Variants in KCNE5 observed in about 807,000 individuals in gnomAD.
The protein encoded by KCNE5 is potassium voltage-gated channel subfamily E regulatory subunit 5.
For missense variants in KCNE5, 131 were observed against 132.9 expected (o/e 0.99, Z 0.07); for synonymous variants, 65 against 62.3 (o/e 1.04, Z -0.20).
rs756398184 is a variant in KCNE5 at position 109,624,577 on chromosome X, T to A, written c.*15A>T. Reference sequence around the variant, plus strand: ...AGATGAGGAGGGCGCGAACCAGCAATCTGGGGCTGTGGTTTTAGACCCGCT... The same window carrying A: ...AGATGAGGAGGGCGCGAACCAGCAAACTGGGGCTGTGGTTTTAGACCCGCT... On this transcript the variant is annotated 3_prime_UTR_variant, in exon 1 of 1. Coordinates refer to ENST00000372101, the MANE Select transcript of KCNE5 (RefSeq NM_012282.4). The A allele has an allele frequency of 9.1e-7, 1 of 1,094,354 alleles. No individual in the cohort carries two copies. The highest frequency in any genetic ancestry group is 2.3e-5 in the South Asian group (1 of 42,813). 90.2% of individuals were successfully genotyped at this position (1,094,354 alleles called of 1,213,427 possible). A position where few individuals can be genotyped will look rare whatever the true frequency, so the allele number is the denominator to read the frequency against.
Position 109,624,616 on chromosome X carries a change from G to T in KCNE5, c.405C>A (p.Leu135=), listed in dbSNP as rs1226299360. The T allele has an allele frequency of 1.2e-5, 14 of 1,128,984 alleles. No homozygotes were observed. The highest frequency in any genetic ancestry group is 3.3e-5 in the East Asian group (1 of 30,072). The allele number at this position is 1,128,984 out of a possible 1,213,427, so 93.0% of individuals were successfully genotyped here. ...RQLASEGLPA[L]AQGAERV is the part of the protein sequence containing the mutation. ...TTTAGACCCGCTCAGCGCCCTGGGCGAGGGCAGGCAGCCCCTCGGAGGCAA... is the reference window on the plus strand; with the variant it reads ...TTTAGACCCGCTCAGCGCCCTGGGCTAGGGCAGGCAGCCCCTCGGAGGCAA... Residue 135 remains leucine, a synonymous_variant, in exon 1 of 1, where the codon CTC becomes CTA. Transcript: ENST00000372101.
At position 109,625,104 on chromosome X, in the gene KCNE5, G is replaced by T; in HGVS notation, c.-84C>A. The T allele has an allele frequency of 9.5e-7, 1 of 1,052,992 alleles. No homozygotes were observed. Among genetic ancestry groups the T allele is most frequent in the Non-Finnish European group, 1.3e-6 (1 of 773,597 alleles). 86.8% of individuals were successfully genotyped at this position (1,052,992 alleles called of 1,213,427 possible). On this transcript the variant is annotated 5_prime_UTR_variant, in exon 1 of 1. Coordinates refer to ENST00000372101, the MANE Select transcript of KCNE5 (RefSeq NM_012282.4). ...GGGGAAGCGAGCTAGCGAGCGGGCC[G>T]GCCGGCGGGCAGGGCTCAGCAGCGG...
rs1381116336 is a variant in KCNE5 at position 109,625,147 on chromosome X, AGCTCTCCGGCGAGC to A, written c.-141_-128del. ...AGCAGCGGAAACAGCGGTAGCACCC[AGCTCTCCGGCGAGC>A]GCGCAGTGGCTGGGGGCGCCGACGG... On this transcript the variant is annotated 5_prime_UTR_variant, in exon 1 of 1. Transcript: ENST00000372101. The A allele has an allele frequency of 6.3e-5, 50 of 789,756 alleles. No individual in the cohort carries two copies. The highest frequency in any genetic ancestry group is 8.7e-5 in the Non-Finnish European group (47 of 543,103). The allele number at this position is 789,756 out of a possible 1,213,427, so 65.1% of individuals were successfully genotyped here.
rs1934250677 is a variant in KCNE5 at position 109,623,980 on chromosome X, G to A, written c.*612C>T. 8.9e-6 allele frequency: 1 copy of A among 111,850 alleles called. No individual in the cohort carries two copies. The highest frequency in any genetic ancestry group is 1.9e-5 in the Non-Finnish European group (1 of 53,114). 9.2% of individuals were successfully genotyped at this position (111,850 alleles called of 1,213,427 possible). ...GTCATAGATCATTTCCCTCCCCGTT[G>A]AGCACTCCTCCCCCTTCCGTCCCCC... On this transcript the variant is annotated 3_prime_UTR_variant, in exon 1 of 1. Transcript: ENST00000372101.
rs1455260841 is a variant in KCNE5, at chrX:109,624,647, C to T, written c.374G>A (p.Arg125His). The T allele has an allele frequency of 1.7e-6, 2 of 1,150,593 alleles. No homozygotes were observed. Among genetic ancestry groups the T allele is most frequent in the Admixed American group, 2.8e-5 (1 of 35,774 alleles). 94.8% of individuals were successfully genotyped at this position (1,150,593 alleles called of 1,213,427 possible). A position where few individuals can be genotyped will look rare whatever the true frequency, so the allele number is the denominator to read the frequency against. The stretch of plus-strand genomic sequence containing the variant: ...AGGCAGCCCCTCGGAGGCAAGCTGG[C>T]GGCGGCCCTCGGCCTGGGAGCCCGC... Reference protein sequence around the residue: ...AAAGSQAEGRRQLASEGLPAL... With the variant: ...AAAGSQAEGRHQLASEGLPAL... The change falls in exon 1 of 1, where the codon CGC (arginine) becomes CAC (histidine). Residue 125 changes from arginine to histidine, a missense_variant. Arg to His is a conservative substitution (Grantham distance 29). Coordinates refer to ENST00000372101, the MANE Select transcript of KCNE5 (RefSeq NM_012282.4).
At position 109,624,721 on chromosome X, in the gene KCNE5, C is replaced by T. The variant is rs770947110; in HGVS notation, c.300G>A (p.Glu100=). The part of the protein sequence containing the change: ...AKDEPSQACA[E]HEWAPGGALT... ...GGGCGCCTCCCGGGGCCCATTCGTGCTCGGCGCAAGCCTGGGACGGCTCGT... is the reference window on the plus strand; with the variant it reads ...GGGCGCCTCCCGGGGCCCATTCGTGTTCGGCGCAAGCCTGGGACGGCTCGT... The change falls in exon 1 of 1, where the codon GAG becomes GAA. Residue 100 remains glutamate, a synonymous_variant. Transcript: ENST00000372101. 1 of 1,206,575 alleles carries T rather than the reference C, an allele frequency of 8.3e-7. No homozygotes were observed. The highest frequency in any genetic ancestry group is 1.8e-5 in the South Asian group (1 of 56,313).
At position 109,624,837 on chromosome X, in the gene KCNE5, A is replaced by T. The variant is rs1934266665; in HGVS notation, c.184T>A (p.Tyr62Asn). ...TSAKGDDAYLYILLIMIFYAC... is the reference protein window; with the variant it reads ...TSAKGDDAYLNILLIMIFYAC... ...TAGAAGATCATGATGAGCAGGATGT[A>T]GAGATAGGCGTCGTCGCCCTTGGCG... is the stretch of plus-strand genomic sequence containing the variant. The change falls in exon 1 of 1, where the codon TAC (tyrosine) becomes AAC (asparagine). Residue 62 changes from tyrosine (Y) to asparagine (N), a missense_variant. Transcript: ENST00000372101. 4 of 1,212,324 alleles carry T rather than the reference A, an allele frequency of 3.3e-6. No individual in the cohort carries two copies. Among genetic ancestry groups the T allele is most frequent in the Middle Eastern group, 2.3e-4 (1 of 4,354 alleles).
rs1364685385 is a variant in KCNE5, at chrX:109,624,828, G to A, written c.193C>T (p.Leu65Phe). ...KGDDAYLYILLIMIFYACLAG... is the reference protein window; with the variant it reads ...KGDDAYLYILFIMIFYACLAG... ...AAGCAGGCGTAGAAGATCATGATGAGCAGGATGTAGAGATAGGCGTCGTCG... is the reference window on the plus strand; with the variant it reads ...AAGCAGGCGTAGAAGATCATGATGAACAGGATGTAGAGATAGGCGTCGTCG... Residue 65 changes from leucine (L) to phenylalanine (F), a missense_variant, in exon 1 of 1, where the codon CTC (leucine) becomes TTC (phenylalanine). Physicochemically the swap from Leu to Phe is conservative, Grantham distance 22. Coordinates refer to ENST00000372101, the MANE Select transcript of KCNE5 (RefSeq NM_012282.4). 1 of 1,211,445 alleles carries A rather than the reference G, an allele frequency of 8.3e-7. No individual in the cohort carries two copies. The highest frequency in any genetic ancestry group is 1.1e-6 in the Non-Finnish European group (1 of 895,306).
Position 109,624,741 on chromosome X carries a change from G to C in KCNE5, c.280C>G (p.Pro94Ala). ...SRKLVEAKDE[P>A]SQACAEHEWA... Reference sequence around the variant, plus strand: ...TCGTGCTCGGCGCAAGCCTGGGACGGCTCGTCCTTGGCCTCGACGAGCTTA... The same window carrying C: ...TCGTGCTCGGCGCAAGCCTGGGACGCCTCGTCCTTGGCCTCGACGAGCTTA... Residue 94 changes from proline to alanine, a missense_variant, in exon 1 of 1, where the codon CCG becomes GCG. By Grantham distance (27) the Pro-to-Ala change is conservative. Transcript: ENST00000372101. 1 of 1,209,818 alleles carries C rather than the reference G, an allele frequency of 8.3e-7. No homozygotes were observed. The highest frequency in any genetic ancestry group is 1.1e-6 in the Non-Finnish European group (1 of 894,496).
In KCNE5 at chrX:109,624,266, G is replaced by C. The variant is rs1934254654; in HGVS notation, c.*326C>G. On this transcript the variant is annotated 3_prime_UTR_variant, in exon 1 of 1. Transcript: ENST00000372101. ...ATGCATTGCTTCAGTTCAGTGCCAA[G>C]TGTTGGACGTGTTGGATTCAGTTCC... 1 of 242,840 alleles carries C rather than the reference G, an allele frequency of 4.1e-6. No individual in the cohort carries two copies. Among genetic ancestry groups the C allele is most frequent in the Admixed American group, 6.8e-5 (1 of 14,677 alleles). 20.0% of individuals were successfully genotyped at this position (242,840 alleles called of 1,213,427 possible). A position where few individuals can be genotyped will look rare whatever the true frequency, so the allele number is the denominator to read the frequency against.
chrX:109,624,760 G>T lies in KCNE5; in HGVS notation c.261C>A (p.Leu87=), dbSNP rs1158775780. 8.3e-6 allele frequency: 10 copies of T among 1,210,670 alleles called. No individual in the cohort carries two copies. In the African/African-American group the frequency reaches 1.7e-4, roughly 21 times the overall value. The change falls in exon 1 of 1, where the codon CTC becomes CTA. Residue 87 remains leucine (L), a synonymous_variant. Transcript: ENST00000372101. ...LILAYTRSRK[L]VEAKDEPSQA... is the part of the protein sequence containing the mutation. ...GGGACGGCTCGTCCTTGGCCTCGAC[G>T]AGCTTACGGGAGCGGGTGTAGGCCA...
Position 109,624,509 on chromosome X carries a change from G to C in KCNE5, c.*83C>G. 1.1e-6 allele frequency: 1 copy of C among 884,363 alleles called. No individual in the cohort carries two copies. The highest frequency in any genetic ancestry group is 4.6e-5 in the Admixed American group (1 of 21,711). The allele number at this position is 884,363 out of a possible 1,213,427, so 72.9% of individuals were successfully genotyped here. ...CCTCAGATGAGGCGAACCCTGGAAG[G>C]GAGTTGGGGGTGGAAGGTGGGAGGC... is the stretch of plus-strand genomic sequence containing the variant. On this transcript the variant is annotated 3_prime_UTR_variant, in exon 1 of 1. Coordinates refer to ENST00000372101, the MANE Select transcript of KCNE5 (RefSeq NM_012282.4).
Position 109,624,696 on chromosome X carries a change from G to A in KCNE5, c.325C>T (p.Leu109=), listed in dbSNP as rs767463268. 139 of 1,191,609 alleles carry A rather than the reference G, an allele frequency of 1.2e-4. No individual in the cohort carries two copies. Among genetic ancestry groups the A allele is most frequent in the Non-Finnish European group, 1.5e-4 (131 of 886,135 alleles). Residue 109 remains leucine, a synonymous_variant, in exon 1 of 1, where the codon CTG becomes TTG. Coordinates refer to ENST00000372101, the MANE Select transcript of KCNE5 (RefSeq NM_012282.4). ...AEHEWAPGGA[L]TADAEAAAGS... is the part of the protein sequence containing the mutation. ...GCGGCAGCCTCGGCGTCGGCGGTCA[G>A]GGCGCCTCCCGGGGCCCATTCGTGC...
Position 109,624,584 on chromosome X carries a change from C to T in KCNE5, c.*8G>A. 9.1e-7 allele frequency: 1 copy of T among 1,098,233 alleles called. No homozygotes were observed. The highest frequency in any genetic ancestry group is 1.9e-5 in the African/African-American group (1 of 52,348). 90.5% of individuals were successfully genotyped at this position (1,098,233 alleles called of 1,213,427 possible). ...GAGGGCGCGAACCAGCAATCTGGGG[C>T]TGTGGTTTTAGACCCGCTCAGCGCC... On this transcript the variant is annotated 3_prime_UTR_variant, in exon 1 of 1. Transcript: ENST00000372101.
chrX:109,624,788 A>G lies in KCNE5; in HGVS notation c.233T>C (p.Ile78Thr). 2.5e-6 allele frequency: 3 copies of G among 1,212,131 alleles called. No homozygotes were observed. The highest frequency in any genetic ancestry group is 3.4e-6 in the Non-Finnish European group (3 of 895,343). ...IFYACLAGGLILAYTRSRKLV... is the reference protein window; with the variant it reads ...IFYACLAGGLTLAYTRSRKLV... ...CTTACGGGAGCGGGTGTAGGCCAGG[A>G]TGAGGCCTCCGGCCAAGCAGGCGTA... Residue 78 changes from isoleucine to threonine, a missense_variant, in exon 1 of 1, where the codon ATC becomes ACC. Physicochemically the swap from Ile to Thr is moderately conservative, Grantham distance 89. Coordinates refer to ENST00000372101, the MANE Select transcript of KCNE5 (RefSeq NM_012282.4).
In KCNE5 at chrX:109,625,100, G is replaced by A; in HGVS notation, c.-80C>T. ...GCGAGGGGAAGCGAGCTAGCGAGCGGGCCGGCCGGCGGGCAGGGCTCAGCA... is the reference window on the plus strand; with the variant it reads ...GCGAGGGGAAGCGAGCTAGCGAGCGAGCCGGCCGGCGGGCAGGGCTCAGCA... On this transcript the variant is annotated 5_prime_UTR_variant, in exon 1 of 1. Transcript: ENST00000372101. 9.3e-7 allele frequency: 1 copy of A among 1,070,629 alleles called. No individual in the cohort carries two copies. Among genetic ancestry groups the A allele is most frequent in the Non-Finnish European group, 1.3e-6 (1 of 789,216 alleles). The allele number at this position is 1,070,629 out of a possible 1,213,427, so 88.2% of individuals were successfully genotyped here.
rs1029933677 is a variant in KCNE5, at chrX:109,623,797, C to A, written c.*795G>T. 1.3e-4 allele frequency: 14 copies of A among 111,821 alleles called. No homozygotes were observed. Among genetic ancestry groups the A allele is most frequent in the African/African-American group, 4.6e-4 (14 of 30,652 alleles). The allele number at this position is 111,821 out of a possible 1,213,427, so 9.2% of individuals were successfully genotyped here. A position where few individuals can be genotyped will look rare whatever the true frequency, so the allele number is the denominator to read the frequency against. ...TCAAGTTCCACGGATGAAGCAGACA[C>A]TGCAATAACAACTGAATCAATAGAG... On this transcript the variant is annotated 3_prime_UTR_variant, in exon 1 of 1. Transcript: ENST00000372101.
Position 109,624,562 on chromosome X carries a change from G to A in KCNE5, c.*30C>T. On this transcript the variant is annotated 3_prime_UTR_variant, in exon 1 of 1. Coordinates refer to ENST00000372101, the MANE Select transcript of KCNE5 (RefSeq NM_012282.4). ...GCCCAGGGATGAGCGAGATGAGGAG[G>A]GCGCGAACCAGCAATCTGGGGCTGT... 1 of 1,077,724 alleles carries A rather than the reference G, an allele frequency of 9.3e-7. No homozygotes were observed. The highest frequency in any genetic ancestry group is 1.2e-6 in the Non-Finnish European group (1 of 831,675). The allele number at this position is 1,077,724 out of a possible 1,213,427, so 88.8% of individuals were successfully genotyped here.
At position 109,624,598 on chromosome X, in the gene KCNE5, C is replaced by A; in HGVS notation, c.423G>T (p.Arg141=). The A allele has an allele frequency of 1.8e-6, 2 of 1,109,284 alleles. No individual in the cohort carries two copies. The highest frequency in any genetic ancestry group is 3.4e-5 in the East Asian group (1 of 29,594). 91.4% of individuals were successfully genotyped at this position (1,109,284 alleles called of 1,213,427 possible). Residue 141 remains arginine, a synonymous_variant, in exon 1 of 1, where the codon CGG becomes CGT. Coordinates refer to ENST00000372101, the MANE Select transcript of KCNE5 (RefSeq NM_012282.4). The stretch of plus-strand genomic sequence containing the variant: ...GCAATCTGGGGCTGTGGTTTTAGAC[C>A]CGCTCAGCGCCCTGGGCGAGGGCAG... ...GLPALAQGAE[R]V is the part of the protein sequence containing the mutation.
Sources: allele counts gnomAD v4.1 joint callset, GRCh38; gene constraint gnomAD v4.1.1; transcripts MANE v1.5; gene names NCBI Gene and HGNC (gene_info 2026-07-23, HGNC 2026-07-21).